NPHP4: variants seen among roughly 807,000 people sequenced by gnomAD.
NPHP4 encodes the protein nephrocystin 4, also known as nephrocystin-4.
In NPHP4, 151 loss-of-function variants were observed where a neutral mutation model predicts 155.8. The ratio of observed to expected loss-of-function variants is 0.97; its 90% CI spans 0.85 to 1.11. The LOEUF (loss-of-function observed/expected upper bound fraction) is 1.11, where lower values mean the gene tolerates loss of function less well. NPHP4 is among the 50% of genes least tolerant of loss of function. NPHP4 has a pLI of 0.00. For synonymous variants in NPHP4, 845 were observed against 816.8 expected (o/e 1.03, Z -0.59); for missense variants, 1,956 against 1,925.7 (o/e 1.02, Z -0.29).
At chr1:5,906,448 C>T (rs911805410) in intron 13 of NPHP4, among the ~76,000 whole-genome samples, 5 of 152,228 alleles carry the variant, frequency 3.3e-5, no homozygotes, top group Admixed American at 6.5e-5. Flanking sequence ...ATGTCTCATG[C>T]GCCAATAATA....
Position 5,991,029 on chromosome 1 carries a change from C to T in NPHP4, c.-39+1215G>A, listed in dbSNP as rs1031075674. On this transcript the variant is annotated intron_variant, in intron 1 of 29. Coordinates refer to ENST00000378156, the MANE Select transcript of NPHP4 (RefSeq NM_015102.5). The stretch of plus-strand genomic sequence containing the variant: ...GTGACTGTGAGCAGCAACAGGCCCC[C>T]GGGAGGGTGCAGAGGTGAGCAGGGC... Among the ~76,000 whole-genome samples, 5 of 152,140 alleles carry T rather than the reference C, an allele frequency of 3.3e-5. 1 individual carries two copies. The highest frequency in any genetic ancestry group is 2.0e-4 in the Admixed American group (3 of 15,292).
At chr1:5,887,049 A>C in intron 18 of NPHP4, 2 of 510,332 alleles carry the variant, frequency 3.9e-6, no homozygotes, top group Non-Finnish European at 7.0e-6. Context: ...CATGCAGGAG[A>C]GCCCGAGATG....
chr1:5,904,793 T>G lies in NPHP4; in HGVS notation c.1967A>C (p.Asp656Ala). The change falls in exon 16 of 30, where the codon GAC becomes GCC. Residue 656 changes from aspartate to alanine, a missense_variant. Transcript: ENST00000378156. ...CTTTGGCCATGATGTTCCTCGGCAG[T>G]CCTGGGCCACTCTGAATCCAACAAC... ...QFLAFSRVAQ[D>A]CRGTSWPKTV... 6.2e-7 allele frequency: 1 copy of G among 1,613,974 alleles called. No homozygotes were observed. Among genetic ancestry groups the G allele is most frequent in the Non-Finnish European group, 8.5e-7 (1 of 1,179,872 alleles).
Position 5,889,432 on chromosome 1 carries a change from G to A in NPHP4, c.2304+1436C>T, listed in dbSNP as rs961896135. 1.2e-4 allele frequency among the ~76,000 whole-genome samples: 19 copies of A among 152,212 alleles called. No homozygotes were observed. The highest frequency in any genetic ancestry group is 2.4e-4 in the Non-Finnish European group (16 of 68,034). ...GAAGCTTTAAATTTAATTTATTCAA[G>A]TCTATGTCAACAAGCGTAACGGCAC... is the stretch of plus-strand genomic sequence containing the variant. On this transcript the variant is annotated intron_variant, in intron 17 of 29. Transcript: ENST00000378156. This position sits in a 1 kb window ranked among gnomAD's most constrained non-coding sequence, Gnocchi z 4.2.
intron 18 of NPHP4, among the ~76,000 whole-genome samples, chr1:5,885,996 G>T (rs1453874619): frequency 6.6e-6 from 1 of 152,184 alleles, no homozygotes; most frequent in Non-Finnish European, 1.5e-5. Context: ...TCTCTCTCTT[G>T]CAGGCAAAGT....
chr1:5,864,362 G>A lies in NPHP4; in HGVS notation c.3972C>T (p.Cys1324=). 1 of 1,608,796 alleles carries A rather than the reference G, an allele frequency of 6.2e-7. No homozygotes were observed. The highest frequency in any genetic ancestry group is 8.5e-7 in the Non-Finnish European group (1 of 1,177,612). Residue 1324 remains cysteine, a synonymous_variant, in exon 28 of 30, where the codon TGC becomes TGT. Coordinates refer to ENST00000378156, the MANE Select transcript of NPHP4 (RefSeq NM_015102.5). ...CCTTGGAGATGAGCGGCTGGCGGCA[G>A]CAGAGGCACACGAGCCAGGAGGCCA... is the stretch of plus-strand genomic sequence containing the variant. ...QLVASWLVCL[C]CRQPLISKAF... is the part of the protein sequence containing the mutation.
chr1:5,964,941 A>ATATATTTTTTTTTTTTTT, intron 5 of NPHP4, among the ~76,000 whole-genome samples: 6 of 59,410 alleles, frequency 1.0e-4, no homozygotes, highest in African/African-American at 5.1e-4. Flanking sequence ...ATATATATAT[A>ATATATTTTTTTTTTTTTT]TTTTTTTTTT....
intron 3 of NPHP4, among the ~76,000 whole-genome samples, chr1:5,976,348 G>A (rs1023698247): frequency 2.0e-5 from 3 of 152,164 alleles, no homozygotes; most frequent in African/African-American, 4.8e-5. Flanking sequence ...CACGGGAAGC[G>A]CCTCCCGGTG....
rs1296226711 is a variant in NPHP4, at chr1:5,991,952, G to C, written c.-39+292C>G. Among the ~76,000 whole-genome samples, 6 of 141,562 alleles carry C rather than the reference G, an allele frequency of 4.2e-5. No individual in the cohort carries two copies. In the South Asian group the frequency reaches 1.4e-3, roughly 32 times the overall value. 92.9% of individuals were successfully genotyped at this position (141,562 alleles called of 152,430 possible). A position where few individuals can be genotyped will look rare whatever the true frequency, so the allele number is the denominator to read the frequency against. On this transcript the variant is annotated intron_variant, in intron 1 of 29. Transcript: ENST00000378156. ...GGCAGGGGGCAGGGGGCAGGGGGCA[G>C]GGGGCAAAGGGCAAGGGCAGAAAGG...
chr1:5,928,695 A>C (rs574331849), intron 10 of NPHP4, among the ~76,000 whole-genome samples: 1 of 152,350 alleles, frequency 6.6e-6, no homozygotes, highest in African/African-American at 2.4e-5. Context: ...GTAAGTGTTT[A>C]AACTGTGTAG....
At chr1:5,965,454 C>T (rs1247551535) in intron 5 of NPHP4, among the ~76,000 whole-genome samples, 1 of 152,090 alleles carries the variant, frequency 6.6e-6, no homozygotes, top group Non-Finnish European at 1.5e-5. Flanking sequence ...TACTTCTGGA[C>T]AGAAAATCCC....
chr1:5,912,504 C>G lies in NPHP4; in HGVS notation c.1442-3291G>C, dbSNP rs553107355. 3.3e-4 allele frequency among the ~76,000 whole-genome samples: 48 copies of G among 146,992 alleles called. No homozygotes were observed. The Middle Eastern group carries it at 0.014, about 43-fold the overall frequency. ...GGTGAGCCGAGATCGCGCCACTGCACTCCAGCCTGGGCAACACAGTGAGAC... is the reference window on the plus strand; with the variant it reads ...GGTGAGCCGAGATCGCGCCACTGCAGTCCAGCCTGGGCAACACAGTGAGAC... On this transcript the variant is annotated intron_variant, in intron 11 of 29. Transcript: ENST00000378156.
chr1:5,978,304 G>C lies in NPHP4; in HGVS notation c.245C>G (p.Thr82Arg). 4 of 1,608,818 alleles carry C rather than the reference G, an allele frequency of 2.5e-6. No homozygotes were observed. The highest frequency in any genetic ancestry group is 2.2e-5 in the South Asian group (2 of 90,184). ...GACGATCCTGGACGGCGGTCTCTTC[G>C]TCGGCTTCACTGTGGTTTTCCACGT... ...GRTWKTTVKP[T>R]KRPPSRIVFN... Residue 82 changes from threonine (T) to arginine (R), a missense_variant, in exon 3 of 30, where the codon ACG becomes AGG. Coordinates refer to ENST00000378156, the MANE Select transcript of NPHP4 (RefSeq NM_015102.5).
At chr1:5,906,812 T>C (rs1350799741) in intron 13 of NPHP4, among the ~76,000 whole-genome samples, 1 of 152,238 alleles carries the variant, frequency 6.6e-6, no homozygotes, top group Non-Finnish European at 1.5e-5. Context: ...CACACCTTCC[T>C]TTTACTTTCA....
chr1:5,934,650 A>T (rs1646443817), intron 9 of NPHP4, among the ~76,000 whole-genome samples: 1 of 152,196 alleles, frequency 6.6e-6, no homozygotes, highest in Admixed American at 6.5e-5. Flanking sequence ...AGCCAAGGGC[A>T]TCCCTCTTAA....
chr1:5,945,899 A>G (rs1647063546), intron 9 of NPHP4, among the ~76,000 whole-genome samples: 1 of 146,708 alleles, frequency 6.8e-6, no homozygotes, highest in African/African-American at 2.6e-5. Context: ...TAGATCTGGC[A>G]TTGTCCCCCC....
chr1:5,887,248 G>A lies in NPHP4; in HGVS notation c.2485+38C>T, dbSNP rs41280814. 239,842 of 1,572,348 alleles carry A rather than the reference G, an allele frequency of 0.15. 19,477 individuals carry two copies. Among genetic ancestry groups the A allele is most frequent in the Non-Finnish European group, 0.17 (193,641 of 1,155,486 alleles). ...CCACACTCTACCAGAGGGGTTGGGC[G>A]GCCGCTGGAGAAATGGCACAAGGCT... On this transcript the variant is annotated intron_variant, in intron 18 of 29. Transcript: ENST00000378156.
At chr1:5,961,298 G>C (rs1455594296) in intron 6 of NPHP4, among the ~76,000 whole-genome samples, 1 of 152,210 alleles carries the variant, frequency 6.6e-6, no homozygotes, top group Admixed American at 6.5e-5. Context: ...TTCAGCCGGG[G>C]AAGAGGAAAG....
chr1:5,880,551 G>A (rs535508872), intron 18 of NPHP4: 92 of 346,292 alleles, frequency 2.7e-4, no homozygotes, highest in African/African-American at 1.6e-3. Flanking sequence ...TCTCTGGGTC[G>A]CAAGGCGGGC....
Sources: allele counts gnomAD v4.1 joint callset (sites outside exome capture counted in the v4.1 genomes callset), GRCh38; gene constraint gnomAD v4.1.1; non-coding constraint Gnocchi (gnomAD v3.1); transcripts MANE v1.5; gene names NCBI Gene and HGNC (gene_info 2026-07-23, HGNC 2026-07-21).